Variants in GPC6 observed in about 807,000 individuals in gnomAD.
GPC6 encodes glypican-6.
A neutral mutation model predicts 55.2 loss-of-function variants in GPC6; 14 were observed. The ratio of observed to expected loss-of-function variants is 0.25; its 90% CI spans 0.17 to 0.40. The LOEUF is 0.40. GPC6 is among the 10% of genes least tolerant of loss of function. GPC6 has a pLI of 1.00. For missense variants in GPC6, 641 were observed against 708.5 expected (o/e 0.90, Z 1.08); for synonymous variants, 278 against 259.6 (o/e 1.07, Z -0.68).
rs1880081504 is a variant in GPC6, at chr13:93,492,859, C to G, written c.161-52404C>G. On this transcript the variant is annotated intron_variant, in intron 1 of 8. Transcript: ENST00000377047. Reference sequence around the variant, plus strand: ...GCATATATTGAACCAGCCTTGCATCCCAGGGATGAAGCCCACTTGATCATG... The same window carrying G: ...GCATATATTGAACCAGCCTTGCATCGCAGGGATGAAGCCCACTTGATCATG... 2.0e-5 allele frequency among the ~76,000 whole-genome samples: 3 copies of G among 148,306 alleles called. No homozygotes were observed. The Admixed American group carries it at 2.0e-4, about 10-fold the overall frequency.
At chr13:93,443,013 G>A (rs746076623) in intron 1 of GPC6, among the ~76,000 whole-genome samples, 25 of 152,084 alleles carry the variant, frequency 1.6e-4, no homozygotes, top group Non-Finnish European at 3.4e-4. Flanking sequence ...TAGAAAACAA[G>A]TAGAAGCCTT....
intron 2 of GPC6, among the ~76,000 whole-genome samples, chr13:93,569,494 A>G (rs1436061658): frequency 6.6e-6 from 1 of 151,544 alleles, no homozygotes; most frequent in Non-Finnish European, 1.5e-5. Flanking sequence ...TTGAGAAAAC[A>G]TAGAAATCCT....
At chr13:93,526,596 G>A (rs2139407178) in intron 1 of GPC6, among the ~76,000 whole-genome samples, 1 of 152,176 alleles carries the variant, frequency 6.6e-6, no homozygotes, top group East Asian at 1.9e-4. Flanking sequence ...CTAAACCACA[G>A]AGTATGTAAC....
chr13:93,312,277 T>C (rs927503032), intron 1 of GPC6, among the ~76,000 whole-genome samples: 4 of 152,204 alleles, frequency 2.6e-5, no homozygotes, highest in Non-Finnish European at 4.4e-5. Context: ...TATATCAAAG[T>C]GTCAATAGAT....
intron 2 of GPC6, among the ~76,000 whole-genome samples, chr13:93,650,237 C>T (rs916635248): frequency 6.6e-6 from 1 of 152,148 alleles, no homozygotes; most frequent in East Asian, 1.9e-4. Context: ...TTCCCAAGTA[C>T]ATTTTGATAG....
At chr13:93,590,505 G>C (rs903051130) in intron 2 of GPC6, among the ~76,000 whole-genome samples, 2 of 152,032 alleles carry the variant, frequency 1.3e-5, no homozygotes, top group African/African-American at 2.4e-5. Flanking sequence ...TGCCTGAAAA[G>C]TACCATTTCT....
intron 3 of GPC6, among the ~76,000 whole-genome samples, chr13:93,985,446 G>T (rs1880980297): frequency 6.6e-6 from 1 of 150,944 alleles, no homozygotes; most frequent in South Asian, 2.1e-4. Context: ...CAAAAGAAAA[G>T]AAAAGGAAAG....
intron 6 of GPC6, among the ~76,000 whole-genome samples, chr13:94,354,639 G>T (rs1247743379): frequency 1.3e-5 from 2 of 152,300 alleles, no homozygotes; most frequent in East Asian, 3.9e-4. Flanking sequence ...CCTGCTATTC[G>T]GTAAGCTCTA....
At chr13:93,845,492 C>T (rs1445952653) in intron 3 of GPC6, among the ~76,000 whole-genome samples, 1 of 139,062 alleles carries the variant, frequency 7.2e-6, no homozygotes, top group Non-Finnish European at 1.5e-5. Context: ...GGTATATACC[C>T]AAAGGACTAT....
At chr13:93,861,699 A>T (rs1322345239) in intron 3 of GPC6, among the ~76,000 whole-genome samples, 1 of 151,550 alleles carries the variant, frequency 6.6e-6, no homozygotes, top group Admixed American at 6.6e-5. Flanking sequence ...TTAATTTCAC[A>T]TTGGTATATG....
At chr13:93,777,194 T>C (rs902867705) in intron 2 of GPC6, among the ~76,000 whole-genome samples, 1 of 152,188 alleles carries the variant, frequency 6.6e-6, no homozygotes, top group Non-Finnish European at 1.5e-5. Context: ...CACACAGCGG[T>C]TGAAACAGGC....
chr13:94,177,656 G>GT (rs1366449212), intron 4 of GPC6, among the ~76,000 whole-genome samples: 1 of 152,142 alleles, frequency 6.6e-6, no homozygotes, highest in African/African-American at 2.4e-5. Flanking sequence ...AATTTCATAT[G>GT]TTTGGACTAT....
At chr13:94,097,506 C>CACA (rs1451764188) in intron 4 of GPC6, among the ~76,000 whole-genome samples, 843 of 70,272 alleles carry the variant, frequency 0.012, 5 homozygotes, top group Admixed American at 0.017. Flanking sequence ...GACTCTGTCT[C>CACA]AAAAAAAAAA....
intron 3 of GPC6, among the ~76,000 whole-genome samples, chr13:93,965,031 A>C (rs1263294384): frequency 1.3e-5 from 2 of 151,400 alleles, no homozygotes; most frequent in Admixed American, 6.6e-5. Context: ...TTTCATGTTT[A>C]ATAATTATCT....
the GPC6 span, among the ~76,000 whole-genome samples, chr13:93,219,116 CAG>C: frequency 1.4e-5 from 2 of 144,546 alleles, no homozygotes; most frequent in Non-Finnish European, 3.0e-5. Context: ...CTTTTTTAGA[CAG>C]AGTCTCACTC....
At position 93,694,161 on chromosome 13, in the gene GPC6, A is replaced by T. The variant is rs568619563; in HGVS notation, c.320-135993A>T. Among the ~76,000 whole-genome samples, 6 of 152,290 alleles carry T rather than the reference A, an allele frequency of 3.9e-5. No homozygotes were observed. In the South Asian group the frequency reaches 1.0e-3, roughly 26 times the overall value. On this transcript the variant is annotated intron_variant, in intron 2 of 8. Coordinates refer to ENST00000377047, the MANE Select transcript of GPC6 (RefSeq NM_005708.5). ...TATTAATATTTCTGAAATAAAAAACATGCAACATTCCCTGTTAAGAACTCT... is the reference window on the plus strand; with the variant it reads ...TATTAATATTTCTGAAATAAAAAACTTGCAACATTCCCTGTTAAGAACTCT...
In GPC6 at chr13:94,286,412, C is replaced by T. The variant is rs1427337452; in HGVS notation, c.941C>T (p.Pro314Leu). The T allele has an allele frequency of 1.9e-6, 3 of 1,613,266 alleles. No homozygotes were observed. Among genetic ancestry groups the T allele is most frequent in the Non-Finnish European group, 2.5e-6 (3 of 1,179,544 alleles). ...GPFNIESVMD[P>L]IDVKISEAIM... ...TTCAACATTGAGTCGGTCATGGACCCGATAGATGTCAAGATTTCTGAAGCC... is the reference window on the plus strand; with the variant it reads ...TTCAACATTGAGTCGGTCATGGACCTGATAGATGTCAAGATTTCTGAAGCC... Residue 314 changes from proline to leucine, a missense_variant, in exon 5 of 9, where the codon CCG (proline) becomes CTG (leucine). Pro to Leu is a moderately conservative substitution (Grantham distance 98). Transcript: ENST00000377047.
chr13:93,381,899 A>G (rs542006860), intron 1 of GPC6, among the ~76,000 whole-genome samples: 1 of 152,262 alleles, frequency 6.6e-6, no homozygotes, highest in South Asian at 2.1e-4. Flanking sequence ...TCATAATTAC[A>G]GGGGTTTAAT....
chr13:93,618,558 G>A (rs1878820188), intron 2 of GPC6, among the ~76,000 whole-genome samples: 1 of 152,050 alleles, frequency 6.6e-6, no homozygotes, highest in Non-Finnish European at 1.5e-5. Context: ...GATGTCCAAG[G>A]AGCCTCAGTA....
Sources: gnomAD v4.1 joint callset for allele counts (sites outside exome capture counted in the v4.1 genomes callset) on GRCh38, gnomAD v4.1.1 for gene constraint, MANE v1.5 for transcripts, NCBI Gene and HGNC (gene_info 2026-07-23, HGNC 2026-07-21) for gene names.